Variants in SLC25A16 observed in about 807,000 individuals in gnomAD.
The protein encoded by SLC25A16 is mitochondrial coenzyme A transporter SLC25A16.
A neutral mutation model predicts 41.5 loss-of-function variants in SLC25A16; 39 were observed. The observed-to-expected ratio is 0.94, with a 90% CI of 0.73 to 1.23. The LOEUF is 1.23. Ranked by LOEUF, SLC25A16 falls within the 50% of genes most tolerant of loss-of-function variation. The pLI, the probability that SLC25A16 is intolerant of heterozygous loss-of-function variation, is 0.00. For missense variants in SLC25A16, 421 were observed against 426.9 expected (o/e 0.99, Z 0.12); for synonymous variants, 146 against 147.8 (o/e 0.99, Z 0.09).
chr10:68,480,884 G>C lies in SLC25A16; in HGVS notation c.*2548C>G, dbSNP rs374102759. 2 of 150,864 alleles carry C rather than the reference G, an allele frequency of 1.3e-5. No homozygotes were observed. Among genetic ancestry groups the C allele is most frequent in the South Asian group, 2.1e-4 (1 of 4,776 alleles). The allele number at this position is 150,864 out of a possible 1,614,324, so 9.3% of individuals were successfully genotyped here. A position where few individuals can be genotyped will look rare whatever the true frequency, so the allele number is the denominator to read the frequency against. On this transcript the variant is annotated 3_prime_UTR_variant, in exon 9 of 9. Transcript: ENST00000609923. ...GTCTAGAAATGAAAATATACAAATGGTTTTAAGAACACATGTATTTCTTTT... is the reference window on the plus strand; with the variant it reads ...GTCTAGAAATGAAAATATACAAATGCTTTTAAGAACACATGTATTTCTTTT...
At chr10:68,517,189 G>T in intron 1 of SLC25A16, 14 of 1,004,644 alleles carry the variant, frequency 1.4e-5, no homozygotes, top group Non-Finnish European at 1.7e-5. Flanking sequence ...TCTTCTTCTG[G>T]AACATTTTTA....
intron 1 of SLC25A16, among the ~76,000 whole-genome samples, chr10:68,523,270 T>C (rs368728742): frequency 5.3e-5 from 8 of 152,096 alleles, no homozygotes; most frequent in African/African-American, 1.9e-4. Context: ...TTTTTGTATT[T>C]TTTGTACAGA....
intron 4 of SLC25A16, chr10:68,496,534 C>A: frequency 2.0e-6 from 2 of 984,484 alleles, no homozygotes; most frequent in Non-Finnish European, 2.4e-6. Flanking sequence ...CAATGAGACT[C>A]AATCAAGCTG....
chr10:68,499,655 T>C (rs192758165), intron 4 of SLC25A16: 11 of 359,218 alleles, frequency 3.1e-5, no homozygotes, highest in Admixed American at 2.4e-4. Flanking sequence ...GAGACAGAAA[T>C]ACAATGTGTG....
intron 1 of SLC25A16, 187 bp from the exon 2 acceptor site, chr10:68,517,030 C>T: frequency 8.3e-7 from 1 of 1,211,200 alleles, no homozygotes; most frequent in Non-Finnish European, 1.1e-6. Context: ...AGCATGATTA[C>T]ACTGCTAAAA....
rs1297806309 is a variant in SLC25A16 at position 68,525,358 on chromosome 10, A to G, written c.130+1888T>C. 7.2e-5 allele frequency among the ~76,000 whole-genome samples: 11 copies of G among 151,772 alleles called. No homozygotes were observed. The East Asian group carries it at 2.0e-3, about 27-fold the overall frequency. ...ACCATGTTGGCCAGGCTGGTCTCAA[A>G]CTCCTGACTTCAAGTGATCTGCCCA... On this transcript the variant is annotated intron_variant, in intron 1 of 8. Transcript: ENST00000609923.
Position 68,487,159 on chromosome 10 carries a change from T to C in SLC25A16, c.827A>G (p.Glu276Gly). ...RRMQLGTVLP[E>G]FEKCLTMRDT... is the part of the protein sequence containing the mutation. ...ATGAACTTACAGGCACTTTTCAAAT[T>C]CCGGCAGAACAGTTCCTAATTGCAT... The change falls in exon 8 of 9, where the codon GAA becomes GGA. Residue 276 changes from glutamate (E) to glycine (G), a missense_variant. Coordinates refer to ENST00000609923, the MANE Select transcript of SLC25A16 (RefSeq NM_152707.4). 1.2e-6 allele frequency: 2 copies of C among 1,613,338 alleles called. No individual in the cohort carries two copies. Among genetic ancestry groups the C allele is most frequent in the South Asian group, 2.2e-5 (2 of 91,030 alleles).
intron 1 of SLC25A16, chr10:68,517,414 G>T: frequency 5.0e-6 from 1 of 199,288 alleles, no homozygotes; most frequent in Non-Finnish European, 9.0e-6. Flanking sequence ...ATGGGCTTTA[G>T]CATAGGTCAG....
chr10:68,493,050 T>C (rs1590098837), intron 6 of SLC25A16, 82 bp downstream of exon 6: 1 of 785,728 alleles, frequency 1.3e-6, no homozygotes, highest in South Asian at 1.6e-5. Context: ...AACATCTTTT[T>C]ATATTACCAT....
chr10:68,505,293 A>T (rs2052932640), intron 3 of SLC25A16, among the ~76,000 whole-genome samples: 1 of 152,120 alleles, frequency 6.6e-6, no homozygotes, highest in Non-Finnish European at 1.5e-5. Flanking sequence ...AGGCTGCAGT[A>T]AGCCAGGACC....
intron 2 of SLC25A16, among the ~76,000 whole-genome samples, chr10:68,509,717 A>ATC (rs1564922907): frequency 1.5e-5 from 2 of 135,372 alleles, no homozygotes; most frequent in African/African-American, 5.7e-5. Context: ...AAAAAAATCT[A>ATC]TATATCTATC....
intron 4 of SLC25A16, among the ~76,000 whole-genome samples, chr10:68,494,537 C>CA (rs1554916516): frequency 1.4e-5 from 2 of 141,734 alleles, no homozygotes; most frequent in Non-Finnish European, 3.1e-5. Flanking sequence ...GAGAGAGAGA[C>CA]AGAGAGAGAG....
intron 1 of SLC25A16, among the ~76,000 whole-genome samples, chr10:68,526,216 T>C (rs1242716122): frequency 1.3e-5 from 2 of 151,298 alleles, no homozygotes; most frequent in African/African-American, 4.9e-5. Context: ...CGCGATTGTA[T>C]GCTCCATCTA....
intron 1 of SLC25A16, among the ~76,000 whole-genome samples, chr10:68,518,643 G>T (rs767193734): frequency 6.6e-5 from 10 of 151,526 alleles, no homozygotes; most frequent in Non-Finnish European, 8.8e-5. Context: ...GCATGGTGGT[G>T]CGTGCATGTA....
intron 8 of SLC25A16, among the ~76,000 whole-genome samples, chr10:68,486,833 T>C (rs539660947): frequency 1.0e-3 from 158 of 151,690 alleles, no homozygotes; most frequent in African/African-American, 3.6e-3. Flanking sequence ...GGTGGGTGTC[T>C]GTAATCCCAG....
At chr10:68,501,166 G>A (rs2052837386) in intron 4 of SLC25A16, among the ~76,000 whole-genome samples, 1 of 150,250 alleles carries the variant, frequency 6.7e-6, no homozygotes, top group South Asian at 2.1e-4. Flanking sequence ...CTGGAGAATC[G>A]CTTGAACCCA....
At chr10:68,503,183 A>C (rs1386569446) in intron 4 of SLC25A16, 1 of 152,790 alleles carries the variant, frequency 6.5e-6, no homozygotes, top group African/African-American at 2.4e-5. Context: ...GTGATGTTTA[A>C]AACTCATTGA....
At chr10:68,507,322 C>G (rs778134859) in intron 2 of SLC25A16, among the ~76,000 whole-genome samples, 6 of 151,978 alleles carry the variant, frequency 3.9e-5, no homozygotes, top group Non-Finnish European at 7.4e-5. Context: ...CCACCCGTCT[C>G]GGCCTCCCAA....
At chr10:68,492,906 A>G (rs949814650) in intron 6 of SLC25A16, among the ~76,000 whole-genome samples, 5 of 152,114 alleles carry the variant, frequency 3.3e-5, no homozygotes, top group African/African-American at 1.2e-4. Context: ...TGTTAACAAG[A>G]CTACAGCTGG....
Sources: gnomAD v4.1 joint callset for allele counts (sites outside exome capture counted in the v4.1 genomes callset) on GRCh38, gnomAD v4.1.1 for gene constraint, MANE v1.5 for transcripts, NCBI Gene and HGNC (gene_info 2026-07-23, HGNC 2026-07-21) for gene names.